Variants in SPMIP11 observed in about 807,000 individuals in gnomAD.
The protein encoded by SPMIP11 is sperm microtubule inner protein 11.
the SPMIP11 span, chr12:48,766,488 T>C: frequency 1.3e-5 from 2 of 152,814 alleles, no homozygotes; most frequent in East Asian, 1.9e-4. Flanking sequence ...GATCTACTTA[T>C]ACCCTCACCC....
the SPMIP11 span, among the ~76,000 whole-genome samples, chr12:48,728,801 G>A: frequency 1.3e-5 from 2 of 152,058 alleles, no homozygotes; most frequent in East Asian, 1.9e-4. Flanking sequence ...TTCCAAGTTC[G>A]TGGGTACACA....
At chr12:48,727,826 G>T in the SPMIP11 span, among the ~76,000 whole-genome samples, 3 of 152,116 alleles carry the variant, frequency 2.0e-5, no homozygotes, top group Non-Finnish European at 4.4e-5. Flanking sequence ...AAGGCAGGAG[G>T]ATTGCTTGAG....
chr12:48,751,470 T>C, the SPMIP11 span, among the ~76,000 whole-genome samples: 2 of 151,858 alleles, frequency 1.3e-5, no homozygotes, highest in Admixed American at 1.3e-4. Flanking sequence ...GTCAGGTGTA[T>C]TGGCGCATGC....
At chr12:48,764,689 G>A in the SPMIP11 span, among the ~76,000 whole-genome samples, 3 of 152,180 alleles carry the variant, frequency 2.0e-5, no homozygotes, top group Non-Finnish European at 1.5e-5. Flanking sequence ...GCTAGAATCC[G>A]GAAGTGAAGC....
At chr12:48,760,817 A>G in the SPMIP11 span, among the ~76,000 whole-genome samples, 1 of 152,172 alleles carries the variant, frequency 6.6e-6, no homozygotes, top group Non-Finnish European at 1.5e-5. Flanking sequence ...GTGAGCCGCC[A>G]CTTAGGGCCC....
the SPMIP11 span, among the ~76,000 whole-genome samples, chr12:48,729,363 G>A: frequency 3.0e-4 from 46 of 151,816 alleles, no homozygotes; most frequent in South Asian, 4.4e-3. Flanking sequence ...GTGAAACCCC[G>A]TCTCTACTAA....
the SPMIP11 span, among the ~76,000 whole-genome samples, chr12:48,769,918 C>T: frequency 6.6e-6 from 1 of 151,958 alleles, no homozygotes; most frequent in Admixed American, 6.6e-5. Flanking sequence ...CCCACCACCA[C>T]ACCCGGCTAA....
At chr12:48,745,636 AATCAAACTACAGAAAT>A in the SPMIP11 span, among the ~76,000 whole-genome samples, 1 of 152,218 alleles carries the variant, frequency 6.6e-6, no homozygotes, top group African/African-American at 2.4e-5. Context: ...GAGTTCAATA[AATCAAACTACAGAAAT>A]ATTAGAAGAA....
chr12:48,732,922 G>T, the SPMIP11 span, among the ~76,000 whole-genome samples: 1 of 151,662 alleles, frequency 6.6e-6, no homozygotes, highest in Non-Finnish European at 1.5e-5. Context: ...TACTCAGGAG[G>T]CTGAGGCATG....
the SPMIP11 span, among the ~76,000 whole-genome samples, chr12:48,731,049 T>C: frequency 6.6e-6 from 1 of 152,260 alleles, no homozygotes; most frequent in Non-Finnish European, 1.5e-5. Context: ...CTTATCTGTC[T>C]GTGCTCTTAA....
chr12:48,729,350 A>G, the SPMIP11 span, among the ~76,000 whole-genome samples: 1 of 152,102 alleles, frequency 6.6e-6, no homozygotes, highest in Admixed American at 6.6e-5. Flanking sequence ...CCTGACCAAC[A>G]TAGTGAAACC....
At chr12:48,735,686 C>T in the SPMIP11 span, among the ~76,000 whole-genome samples, 1 of 152,126 alleles carries the variant, frequency 6.6e-6, no homozygotes, top group East Asian at 1.9e-4. Context: ...TCACCTGAGA[C>T]CAGCCTGATC....
At chr12:48,727,847 C>T in the SPMIP11 span, among the ~76,000 whole-genome samples, 4 of 152,024 alleles carry the variant, frequency 2.6e-5, no homozygotes, top group African/African-American at 9.7e-5. Flanking sequence ...TCCAGGAGTT[C>T]AAGACCAGCC....
the SPMIP11 span, among the ~76,000 whole-genome samples, chr12:48,745,779 T>C: frequency 6.6e-6 from 1 of 152,218 alleles, no homozygotes; most frequent in South Asian, 2.1e-4. Flanking sequence ...TATTTAATTG[T>C]GTATCAAAAG....
the SPMIP11 span, chr12:48,768,598 CTGGGGCCCCCA>C: frequency 2.5e-6 from 4 of 1,614,116 alleles, no homozygotes; most frequent in Non-Finnish European, 3.4e-6. Flanking sequence ...CTGTTAACTG[CTGGGGCCCCCA>C]TTGAGGAAGT....
chr12:48,759,197 C>A, the SPMIP11 span: 1 of 702,744 alleles, frequency 1.4e-6, no homozygotes, highest in East Asian at 2.7e-5. Flanking sequence ...AACGAGTCTA[C>A]TCTAATTTCA....
chr12:48,746,040 G>A, the SPMIP11 span, among the ~76,000 whole-genome samples: 1 of 152,168 alleles, frequency 6.6e-6, no homozygotes, highest in South Asian at 2.1e-4. Context: ...CAGCCACTGT[G>A]TAAGACACTG....
chr12:48,745,411 C>G, the SPMIP11 span, among the ~76,000 whole-genome samples: 1 of 152,160 alleles, frequency 6.6e-6, no homozygotes, highest in African/African-American at 2.4e-5. Context: ...TCGAGACCAG[C>G]CTGACCAACA....
chr12:48,751,417 CAG>C, the SPMIP11 span, among the ~76,000 whole-genome samples: 1 of 151,566 alleles, frequency 6.6e-6, no homozygotes, highest in African/African-American at 2.4e-5. Context: ...GGTCTGAGAC[CAG>C]CCTGGGCAAT....
Sources: gnomAD v4.1 joint callset for allele counts (sites outside exome capture counted in the v4.1 genomes callset) on GRCh38, gnomAD v4.1.1 for gene constraint, MANE v1.5 for transcripts, NCBI Gene and HGNC (gene_info 2026-07-23, HGNC 2026-07-21) for gene names.